Variants in SIDT1 observed in about 807,000 individuals in gnomAD.
The protein encoded by SIDT1 is SID1 transmembrane family, member 1.
Under a neutral mutation model 107.5 loss-of-function variants are expected in SIDT1, and 101 were observed. The observed-to-expected ratio is 0.94, with a 90% confidence interval of 0.80 to 1.11. The LOEUF (loss-of-function observed/expected upper bound fraction) is 1.11. Among genes scored for constraint, SIDT1 ranks in the 50% least tolerant of loss-of-function variants. SIDT1 has a pLI of 0.00. For missense variants in SIDT1, 1,076 were observed against 1,058.2 expected (o/e 1.02, Z -0.23); for synonymous variants, 395 against 398.2 (o/e 0.99, Z 0.10).
At chr3:113,551,185 T>C (rs530095214) in intron 1 of SIDT1, among the ~76,000 whole-genome samples, 176 of 152,322 alleles carry the variant, frequency 1.2e-3, no homozygotes, top group African/African-American at 4.2e-3. Context: ...TTAGGTTGAT[T>C]CTATGTCTTT....
At chr3:113,596,513 G>A (rs959183583) in intron 10 of SIDT1, among the ~76,000 whole-genome samples, 2 of 152,208 alleles carry the variant, frequency 1.3e-5, no homozygotes, top group African/African-American at 4.8e-5. Flanking sequence ...AATACTGTTG[G>A]CAAAGAGCTG....
At chr3:113,549,712 A>G (rs1466874749) in intron 1 of SIDT1, among the ~76,000 whole-genome samples, 1 of 152,150 alleles carries the variant, frequency 6.6e-6, no homozygotes, top group Non-Finnish European at 1.5e-5. Flanking sequence ...TCATTTTCTT[A>G]GTAGTATCTT....
At chr3:113,595,368 T>C (rs1944468742) in intron 10 of SIDT1, among the ~76,000 whole-genome samples, 1 of 151,848 alleles carries the variant, frequency 6.6e-6, no homozygotes, top group Non-Finnish European at 1.5e-5. Context: ...GGCCTAGGAG[T>C]TCGAGACCAG....
intron 1 of SIDT1, among the ~76,000 whole-genome samples, chr3:113,539,823 C>T (rs1351336841): frequency 8.6e-5 from 13 of 151,970 alleles, no homozygotes; most frequent in African/African-American, 2.4e-4. Context: ...GCCAAAATGG[C>T]GAAACCCCAT....
At position 113,532,658 on chromosome 3, in the gene SIDT1, C is replaced by A; in HGVS notation, c.-364C>A. 1 of 222,498 alleles carries A rather than the reference C, an allele frequency of 4.5e-6. No homozygotes were observed. The highest frequency in any genetic ancestry group is 8.7e-6 in the Non-Finnish European group (1 of 114,634). 13.8% of individuals were successfully genotyped at this position (222,498 alleles called of 1,614,324 possible). ...TGACTCCAATGCCTTTTTATTATTGCTGTTATTGAGGTTGAGGGAGAAGAG... is the reference window on the plus strand; with the variant it reads ...TGACTCCAATGCCTTTTTATTATTGATGTTATTGAGGTTGAGGGAGAAGAG... On this transcript the variant is annotated 5_prime_UTR_variant, in exon 1 of 25. The change creates a new upstream start codon in the 5' untranslated region. Coordinates refer to ENST00000264852, the MANE Select transcript of SIDT1 (RefSeq NM_017699.3).
In SIDT1 at chr3:113,612,102, A is replaced by G. The variant is rs147872055; in HGVS notation, c.1874A>G (p.Asp625Gly). 1 of 1,613,976 alleles carries G rather than the reference A, an allele frequency of 6.2e-7. No homozygotes were observed. The highest frequency in any genetic ancestry group is 8.5e-7 in the Non-Finnish European group (1 of 1,179,928). Residue 625 changes from aspartate to glycine, a missense_variant, in exon 19 of 25, where the codon GAC (aspartate) becomes GGC (glycine). By Grantham distance (94) the Asp-to-Gly change is moderately conservative. Transcript: ENST00000264852. ...TVLGVVFGKN[D>G]VWFWVIFSAI... is the part of the protein sequence containing the mutation. Reference sequence around the variant, plus strand: ...TACTCCTAGGTGTTTGGAAAAAATGACGTATGGTTCTGGGTCATCTTCTCT... The same window carrying G: ...TACTCCTAGGTGTTTGGAAAAAATGGCGTATGGTTCTGGGTCATCTTCTCT...
chr3:113,555,418 C>T (rs1228060266), intron 1 of SIDT1, among the ~76,000 whole-genome samples: 1 of 152,166 alleles, frequency 6.6e-6, no homozygotes, highest in African/African-American at 2.4e-5. Flanking sequence ...ATGCCTCTTA[C>T]AGGATAGGGA....
At chr3:113,608,927 C>A (rs1945539123) in intron 17 of SIDT1, among the ~76,000 whole-genome samples, 1 of 152,138 alleles carries the variant, frequency 6.6e-6, no homozygotes, top group Non-Finnish European at 1.5e-5. Flanking sequence ...GTAGTTCCAC[C>A]CAACAATTCC....
chr3:113,627,663 T>C lies in SIDT1; in HGVS notation c.2439T>C (p.Asp813=). 1 of 1,614,010 alleles carries C rather than the reference T, an allele frequency of 6.2e-7. No individual in the cohort carries two copies. The highest frequency in any genetic ancestry group is 8.5e-7 in the Non-Finnish European group (1 of 1,180,030). The change falls in exon 25 of 25, where the codon GAT becomes GAC. Residue 813 remains aspartate (D), a synonymous_variant. Transcript: ENST00000264852. ...CACTTCAGGTTTTGTTAACTTTGGATGATGACCTTGATGTGGTTCGGAGAG... is the reference window on the plus strand; with the variant it reads ...CACTTCAGGTTTTGTTAACTTTGGACGATGACCTTGATGTGGTTCGGAGAG... ...FFSFLVLLTL[D]DDLDVVRRDQ...
At position 113,605,061 on chromosome 3, in the gene SIDT1, C is replaced by A. The variant is rs368022879; in HGVS notation, c.1404+85C>A. ...CCACTGTGACTGACAGAGAGAGGTA[C>A]AACTTAGGATCCATTCAGGAATTTC... On this transcript the variant is annotated intron_variant, in intron 14 of 24. Coordinates refer to ENST00000264852, the MANE Select transcript of SIDT1 (RefSeq NM_017699.3). 7.3e-5 allele frequency: 100 copies of A among 1,377,166 alleles called. No individual in the cohort carries two copies. In the East Asian group the frequency reaches 1.8e-3, roughly 25 times the overall value. The allele number at this position is 1,377,166 out of a possible 1,614,324, so 85.3% of individuals were successfully genotyped here. A position where few individuals can be genotyped will look rare whatever the true frequency, so the allele number is the denominator to read the frequency against.
intron 1 of SIDT1, among the ~76,000 whole-genome samples, chr3:113,559,668 C>T (rs2107711087): frequency 6.6e-6 from 1 of 152,282 alleles, no homozygotes; most frequent in African/African-American, 2.4e-5. Context: ...TGGTTTCGAA[C>T]TCCTGAGCTC....
rs140570860 is a variant in SIDT1, at chr3:113,556,531, G to A, written c.223-9889G>A. Among the ~76,000 whole-genome samples the A allele has an allele frequency of 5.7e-3, 865 of 152,178 alleles. 17 individuals are homozygous for A. The highest frequency in any genetic ancestry group is 0.02 in the African/African-American group (841 of 41,524). ...AACATGCAATCCCATGAAGAGTCTTGGCAGTGCTAAAAAGTAGATTGAAGC... is the reference window on the plus strand; with the variant it reads ...AACATGCAATCCCATGAAGAGTCTTAGCAGTGCTAAAAAGTAGATTGAAGC... On this transcript the variant is annotated intron_variant, in intron 1 of 24. Coordinates refer to ENST00000264852, the MANE Select transcript of SIDT1 (RefSeq NM_017699.3).
At chr3:113,548,926 G>A (rs1462050472) in intron 1 of SIDT1, among the ~76,000 whole-genome samples, 2 of 152,130 alleles carry the variant, frequency 1.3e-5, no homozygotes, top group South Asian at 2.1e-4. Flanking sequence ...GTTTTCTCCT[G>A]TTGATCTATC....
the SIDT1 span, among the ~76,000 whole-genome samples, chr3:113,636,045 C>T: frequency 1.3e-5 from 2 of 152,108 alleles, no homozygotes; most frequent in African/African-American, 4.8e-5. Flanking sequence ...GTTTGGAACT[C>T]TGACATGCTA....
At chr3:113,624,723 C>G (rs926747143) in intron 23 of SIDT1, among the ~76,000 whole-genome samples, 2 of 152,116 alleles carry the variant, frequency 1.3e-5, no homozygotes, top group South Asian at 2.1e-4. Flanking sequence ...TGGTAACCAC[C>G]AAACTATTCT....
chr3:113,550,783 G>T (rs189047018), intron 1 of SIDT1, among the ~76,000 whole-genome samples: 1 of 151,784 alleles, frequency 6.6e-6, no homozygotes, highest in Non-Finnish European at 1.5e-5. Flanking sequence ...AAGTTCAGGG[G>T]TATATGTGCA....
intron 17 of SIDT1, among the ~76,000 whole-genome samples, chr3:113,609,026 A>T (rs1194490919): frequency 2.0e-5 from 3 of 147,598 alleles, no homozygotes; most frequent in African/African-American, 7.6e-5. Flanking sequence ...ATCCTTTCAC[A>T]TCTCAGTAGC....
intron 1 of SIDT1, among the ~76,000 whole-genome samples, chr3:113,549,410 A>T (rs1939960955): frequency 6.6e-6 from 1 of 152,206 alleles, no homozygotes; most frequent in Non-Finnish European, 1.5e-5. Context: ...CCACAACCTC[A>T]TCAGCATTTG....
At chr3:113,566,359 T>A in intron 1 of SIDT1, 61 bp from the exon 2 acceptor site, 1 of 1,524,360 alleles carries the variant, frequency 6.6e-7, no homozygotes, top group Non-Finnish European at 9.0e-7. Context: ...TGTGTGTGTG[T>A]GTGTGTTTGC....
Sources: allele counts gnomAD v4.1 joint callset (sites outside exome capture counted in the v4.1 genomes callset), GRCh38; gene constraint gnomAD v4.1.1; transcripts MANE v1.5; gene names NCBI Gene and HGNC (gene_info 2026-07-23, HGNC 2026-07-21).